Variants in KIR3DL2 observed in about 807,000 individuals in gnomAD.
KIR3DL2 encodes killer cell immunoglobulin-like receptor 3DL2.
KIR3DL2 carries 42 observed loss-of-function variants against 41.6 expected under a neutral mutation model. That is an observed-to-expected ratio of 1.01 (90% CI 0.79 to 1.31). The LOEUF (loss-of-function observed/expected upper bound fraction) is 1.31, where lower values mean the gene tolerates loss of function less well. Ranked by LOEUF, KIR3DL2 falls within the 50% of genes most tolerant of loss-of-function variation. The pLI, the probability that KIR3DL2 is intolerant of heterozygous loss-of-function variation, is 0.00. For missense variants in KIR3DL2, 728 were observed against 576.8 expected, an observed-to-expected ratio of 1.26 and a Z score of -2.68; for synonymous variants, 230 against 221.3, an observed-to-expected ratio of 1.04 and a Z score of -0.35.
intron 3 of KIR3DL2, among the ~76,000 whole-genome samples, 182 bp downstream of exon 3, chr19:54,852,464 T>C (rs1341292177): frequency 6.6e-6 from 1 of 151,360 alleles, no homozygotes; most frequent in Non-Finnish European, 1.5e-5. Flanking sequence ...GATGGCTACA[T>C]TGTAAACCCT....
intron 3 of KIR3DL2, 43 bp from the exon 4 acceptor site, chr19:54,853,704 G>A (rs1323487042): frequency 1.5e-5 from 24 of 1,592,890 alleles, no homozygotes; most frequent in Non-Finnish European, 2.0e-5. Flanking sequence ...TGGATGGGAT[G>A]ATAAAGAGAG....
intron 5 of KIR3DL2, among the ~76,000 whole-genome samples, chr19:54,857,933 C>T (rs2064909978): frequency 6.6e-6 from 1 of 151,760 alleles, no homozygotes; most frequent in African/African-American, 2.4e-5. Context: ...TTTTCATATA[C>T]GTGATCGCCA....
intron 5 of KIR3DL2, among the ~76,000 whole-genome samples, chr19:54,856,911 A>G (rs1181199857): frequency 2.6e-5 from 4 of 152,080 alleles, no homozygotes; most frequent in African/African-American, 9.7e-5. Flanking sequence ...GTGTGTGTGT[A>G]CTACAGTTCT....
intron 5 of KIR3DL2, among the ~76,000 whole-genome samples, chr19:54,857,940 G>A (rs1422479362): frequency 2.6e-5 from 4 of 151,702 alleles, no homozygotes; most frequent in Non-Finnish European, 4.4e-5. Context: ...ATACGTGATC[G>A]CCATTTCTAT....
At chr19:54,856,096 G>C (rs2145624738) in intron 5 of KIR3DL2, among the ~76,000 whole-genome samples, 184 bp downstream of exon 5, 1 of 151,610 alleles carries the variant, frequency 6.6e-6, no homozygotes, top group Admixed American at 6.5e-5. Context: ...TGGCCTGCAT[G>C]GAGGCCCATG....
At position 54,853,787 on chromosome 19, in the gene KIR3DL2, C is replaced by T. The variant is rs747059054; in HGVS notation, c.396C>T (p.Pro132=). 3 of 1,611,808 alleles carry T rather than the reference C, an allele frequency of 1.9e-6. No homozygotes were observed. The highest frequency in any genetic ancestry group is 2.2e-5 in the East Asian group (1 of 44,768). The part of the protein sequence containing the change: ...RKPSLLAHPG[P]LLKSGETVIL... Reference sequence around the variant, plus strand: ...CTTCCCTCCTGGCCCACCCAGGGCCCCTGCTGAAATCAGGAGAGACAGTCA... The same window carrying T: ...CTTCCCTCCTGGCCCACCCAGGGCCTCTGCTGAAATCAGGAGAGACAGTCA... The change falls in exon 4 of 9, where the codon CCC becomes CCT. Residue 132 remains proline, a synonymous_variant. Coordinates refer to ENST00000326321, the MANE Select transcript of KIR3DL2 (RefSeq NM_006737.4).
At chr19:54,850,643 G>A (rs2064112855) in intron 1 of KIR3DL2, 134 bp downstream of exon 1, 1 of 1,370,090 alleles carries the variant, frequency 7.3e-7, no homozygotes, top group South Asian at 1.2e-5. Flanking sequence ...TATGGGCCTG[G>A]AGGTGTAAAT....
chr19:54,866,007 TG>T, intron 7 of KIR3DL2, 98 bp downstream of exon 7: 1 of 1,165,026 alleles, frequency 8.6e-7, no homozygotes, highest in Non-Finnish European at 1.3e-6. Context: ...GGATGGTCCC[TG>T]GCCCAAGGGA....
At chr19:54,854,241 AG>A (rs1250075983) in intron 4 of KIR3DL2, among the ~76,000 whole-genome samples, 195 bp downstream of exon 4, 8 of 151,768 alleles carry the variant, frequency 5.3e-5, no homozygotes, top group Non-Finnish European at 1.0e-4. Flanking sequence ...AACAGAGGAC[AG>A]ACACAGGGGC....
chr19:54,864,755 G>A (rs910218683), intron 6 of KIR3DL2, among the ~76,000 whole-genome samples: 4 of 152,038 alleles, frequency 2.6e-5, no homozygotes, highest in African/African-American at 9.6e-5. Flanking sequence ...AGGAGATTTT[G>A]GGCTGAGACA....
At position 54,866,517 on chromosome 19, in the gene KIR3DL2, T is replaced by C. The variant is rs748409068; in HGVS notation, c.1159-5T>C. 1 of 1,613,992 alleles carries C rather than the reference T, an allele frequency of 6.2e-7. No homozygotes were observed. The highest frequency in any genetic ancestry group is 8.5e-7 in the Non-Finnish European group (1 of 1,179,972). On this transcript the variant is annotated splice_polypyrimidine_tract_variant and splice_region_variant and intron_variant, in intron 8 of 8. Transcript: ENST00000326321. ...CTCCCTCACTCAGCATTTCCCTCTC[T>C]CCAGGACTCTGATGAACAAGACCCT...
intron 6 of KIR3DL2, 84 bp from the exon 7 acceptor site, chr19:54,865,721 G>C (rs1601835940): frequency 8.1e-7 from 1 of 1,232,018 alleles, no homozygotes; most frequent in South Asian, 1.2e-5. Flanking sequence ...GTTCCATGTG[G>C]TTACCTGTCA....
At chr19:54,860,561 G>A (rs1178817401) in intron 6 of KIR3DL2, among the ~76,000 whole-genome samples, 1 of 152,004 alleles carries the variant, frequency 6.6e-6, no homozygotes, top group Admixed American at 6.6e-5. Context: ...TTTCTGTAGA[G>A]AGGATGTTTC....
At chr19:54,852,363 C>G (rs1217239438) in intron 3 of KIR3DL2, 81 bp downstream of exon 3, 1 of 1,557,674 alleles carries the variant, frequency 6.4e-7, no homozygotes, top group Non-Finnish European at 8.7e-7. Context: ...CATCAGGGTC[C>G]CATCACCCAG....
At chr19:54,865,741 T>TGC (rs2065458088) in intron 6 of KIR3DL2, 64 bp from the exon 7 acceptor site, 33 of 1,385,894 alleles carry the variant, frequency 2.4e-5, no homozygotes, top group South Asian at 3.5e-5. Context: ...AATCAAGAAA[T>TGC]GAGACAATCC....
intron 6 of KIR3DL2, among the ~76,000 whole-genome samples, chr19:54,861,491 C>T (rs1299934302): frequency 6.6e-6 from 1 of 151,436 alleles, no homozygotes; most frequent in African/African-American, 2.4e-5. Context: ...ACTAAAAATA[C>T]AAAAATTAAA....
At position 54,860,973 on chromosome 19, in the gene KIR3DL2, G is replaced by A. The variant is rs546711493; in HGVS notation, c.1000+1844G>A. On this transcript the variant is annotated intron_variant, in intron 6 of 8. Transcript: ENST00000326321. ...AGGAAACTAAGGAGCAACAAGGAGC[G>A]TGTGTTTGACACTCACAGCCATTGG... Among the ~76,000 whole-genome samples the A allele has an allele frequency of 3.6e-5, 5 of 137,300 alleles. No homozygotes were observed. In the South Asian group the frequency reaches 9.3e-4, roughly 26 times the overall value. The allele number at this position is 137,300 out of a possible 152,430, so 90.1% of individuals were successfully genotyped here.
At position 54,852,023 on chromosome 19, in the gene KIR3DL2, T is replaced by C. The variant is rs757792532; in HGVS notation, c.96T>C (p.Ser32=). Residue 32 remains serine, a synonymous_variant, in exon 3 of 9, where the codon TCT becomes TCC. Transcript: ENST00000326321. The stretch of plus-strand genomic sequence containing the variant: ...GTGGTCAGGACAAACCCTTCCTGTC[T>C]GCCCGGCCCAGCACTGTGGTGCCTC... ...LMGGQDKPFL[S]ARPSTVVPRG... The C allele has an allele frequency of 1.4e-5, 23 of 1,611,126 alleles. No individual in the cohort carries two copies. The South Asian group carries it at 2.3e-4, about 16-fold the overall frequency.
intron 2 of KIR3DL2, among the ~76,000 whole-genome samples, chr19:54,851,636 A>T (rs1271454037): frequency 6.6e-6 from 1 of 151,532 alleles, no homozygotes; most frequent in Non-Finnish European, 1.5e-5. Context: ...AGAGGGGGGA[A>T]ACCACAGCCA....
Sources: allele counts gnomAD v4.1 joint callset (sites outside exome capture counted in the v4.1 genomes callset), GRCh38; gene constraint gnomAD v4.1.1; transcripts MANE v1.5; gene names NCBI Gene and HGNC (gene_info 2026-07-23, HGNC 2026-07-21).